The following OR56B2 variants were observed in gnomAD, a reference collection of about 807,000 sequenced individuals.
OR56B2 encodes olfactory receptor 56B2.
At chr11:5,764,338 A>T in the OR56B2 span, among the ~76,000 whole-genome samples, 1 of 141,084 alleles carries the variant, frequency 7.1e-6, no homozygotes, top group Non-Finnish European at 1.6e-5. Flanking sequence ...TTTAACTTCT[A>T]CGCCAGTCAT....
At chr11:5,766,543 T>C in the OR56B2 span, 3 of 140,110 alleles carry the variant, frequency 2.1e-5, no homozygotes, top group South Asian at 4.7e-4. Context: ...TCTAAGATTA[T>C]ATGCAAATGT....
At chr11:5,764,435 T>G in the OR56B2 span, among the ~76,000 whole-genome samples, 1 of 140,812 alleles carries the variant, frequency 7.1e-6, no homozygotes, top group East Asian at 2.1e-4. Context: ...CCAACTGAAT[T>G]TACAGAACAC....
At chr11:5,764,135 A>G in the OR56B2 span, among the ~76,000 whole-genome samples, 2 of 141,356 alleles carry the variant, frequency 1.4e-5, 1 homozygote, top group East Asian at 4.1e-4. Context: ...TAAATAGTGC[A>G]GAGTAGCACA....
the OR56B2 span, chr11:5,765,697 G>C: frequency 7.1e-6 from 1 of 140,144 alleles, no homozygotes; most frequent in Non-Finnish European, 1.6e-5. Flanking sequence ...GATGATCGAA[G>C]AATCAATAGC....
the OR56B2 span, among the ~76,000 whole-genome samples, chr11:5,767,764 G>T: frequency 7.2e-6 from 1 of 139,292 alleles, no homozygotes; most frequent in Non-Finnish European, 1.6e-5. Context: ...CAGCATACAT[G>T]AACTTTGAAA....
the OR56B2 span, chr11:5,765,152 G>T: frequency 6.1e-6 from 1 of 162,876 alleles, no homozygotes. Flanking sequence ...AGGTCTCTGA[G>T]TTTATCCTGA....
the OR56B2 span, among the ~76,000 whole-genome samples, chr11:5,762,729 T>A: frequency 8.0e-5 from 12 of 150,158 alleles, no homozygotes; most frequent in South Asian, 2.6e-3. Flanking sequence ...TGTACATTTA[T>A]GTATTAATAA....
the OR56B2 span, chr11:5,767,615 T>A: frequency 7.2e-6 from 1 of 139,552 alleles, no homozygotes; most frequent in Non-Finnish European, 1.6e-5. Context: ...TTACAAAAAT[T>A]CAACTTGATT....
the OR56B2 span, among the ~76,000 whole-genome samples, chr11:5,768,914 C>T: frequency 1.2e-4 from 16 of 133,854 alleles, 3 homozygotes; most frequent in South Asian, 1.2e-3. Flanking sequence ...GTTATCCAAA[C>T]GTTTGTCAAA....
chr11:5,768,974 T>C, the OR56B2 span, among the ~76,000 whole-genome samples: 1 of 139,532 alleles, frequency 7.2e-6, no homozygotes, highest in African/African-American at 2.6e-5. Context: ...AAGTTACCTC[T>C]ACATTATAGA....
chr11:5,769,015 C>T, the OR56B2 span, among the ~76,000 whole-genome samples: 2 of 139,136 alleles, frequency 1.4e-5, no homozygotes, highest in African/African-American at 2.6e-5. Context: ...GTGATGTCCT[C>T]ATTTTTATTT....
chr11:5,765,691 A>G, the OR56B2 span: 1 of 140,176 alleles, frequency 7.1e-6, no homozygotes, highest in Non-Finnish European at 1.6e-5. Flanking sequence ...TCTTGTGATG[A>G]TCGAAGAATC....
the OR56B2 span, chr11:5,767,449 A>T: frequency 7.2e-6 from 1 of 139,150 alleles, no homozygotes; most frequent in Non-Finnish European, 1.6e-5. Flanking sequence ...GGATAAACAA[A>T]ATTAAGTGTA....
At chr11:5,761,875 A>G in the OR56B2 span, among the ~76,000 whole-genome samples, 2 of 152,116 alleles carry the variant, frequency 1.3e-5, no homozygotes, top group African/African-American at 4.8e-5. Flanking sequence ...CAAGAATCCT[A>G]GAGGCTAAGA....
chr11:5,764,764 C>T, the OR56B2 span, among the ~76,000 whole-genome samples: 1 of 139,662 alleles, frequency 7.2e-6, no homozygotes, highest in Non-Finnish European at 1.6e-5. Context: ...GGAAACCGGG[C>T]TGCAATACCA....
At chr11:5,764,599 AT>A in the OR56B2 span, among the ~76,000 whole-genome samples, 1 of 140,540 alleles carries the variant, frequency 7.1e-6, no homozygotes, top group Non-Finnish European at 1.6e-5. Context: ...TCAATACTTC[AT>A]AAATGTTTAA....
chr11:5,763,212 T>C, the OR56B2 span, among the ~76,000 whole-genome samples: 4 of 152,180 alleles, frequency 2.6e-5, no homozygotes, highest in African/African-American at 9.6e-5. Flanking sequence ...TTTTTAGTTT[T>C]CATCTTGTCT....
the OR56B2 span, chr11:5,766,305 T>A: frequency 2.1e-4 from 30 of 140,608 alleles, 4 homozygotes; most frequent in African/African-American, 7.8e-4. Context: ...ACTAATGTAA[T>A]CTACATTTCA....
At chr11:5,763,496 T>C in the OR56B2 span, among the ~76,000 whole-genome samples, 1 of 139,192 alleles carries the variant, frequency 7.2e-6, no homozygotes, top group Non-Finnish European at 1.6e-5. Flanking sequence ...GTATTTTCAG[T>C]AGGGACGGAG....
Sources: allele counts gnomAD v4.1 joint callset (sites outside exome capture counted in the v4.1 genomes callset), GRCh38; gene constraint gnomAD v4.1.1; transcripts MANE v1.5; gene names NCBI Gene and HGNC (gene_info 2026-07-23, HGNC 2026-07-21).